The following RPS6KC1 variants were observed in gnomAD, a reference collection of about 807,000 sequenced individuals.
RPS6KC1 encodes inactive ribosomal protein S6 kinase delta-1.
RPS6KC1 carries 54 observed loss-of-function variants against 103.8 expected under a neutral mutation model. The observed-to-expected ratio is 0.52, with a 90% CI of 0.42 to 0.65. The LOEUF (loss-of-function observed/expected upper bound fraction) is 0.65. Ranked by LOEUF, RPS6KC1 falls within the 30% of genes least tolerant of loss-of-function variation. RPS6KC1 has a pLI of 0.00. For missense variants in RPS6KC1, 1,151 were observed against 1,253.8 expected, an observed-to-expected ratio of 0.92 and a Z score of 1.24; for synonymous variants, 439 against 438.7, an observed-to-expected ratio of 1.00 and a Z score of -0.01.
chr1:213,388,489 ATTC>A, the RPS6KC1 span, among the ~76,000 whole-genome samples: 43 of 152,188 alleles, frequency 2.8e-4, no homozygotes, highest in East Asian at 1.2e-3. Context: ...TCTTCATGCA[ATTC>A]TTCTTCTATT....
At chr1:213,356,566 G>A in the RPS6KC1 span, among the ~76,000 whole-genome samples, 1 of 152,202 alleles carries the variant, frequency 6.6e-6, no homozygotes, top group Non-Finnish European at 1.5e-5. Flanking sequence ...TGAGGCAGGA[G>A]AATCACTTGA....
rs183910936 is a variant in RPS6KC1 at position 213,182,166 on chromosome 1, C to A, written c.1044+5674C>A. Among the ~76,000 whole-genome samples, 405 of 152,202 alleles carry A rather than the reference C, an allele frequency of 2.7e-3. 2 individuals are homozygous for A. Among genetic ancestry groups the A allele is most frequent in the Middle Eastern group, 0.014 (4 of 294 alleles). ...TGTATATATAATATAACTAGAGCAA[C>A]CACTAAAAAGCTTTTTAAAGTATAC... On this transcript the variant is annotated intron_variant, in intron 8 of 14. Coordinates refer to ENST00000366960, the MANE Select transcript of RPS6KC1 (RefSeq NM_012424.6).
chr1:213,381,703 T>A, the RPS6KC1 span, among the ~76,000 whole-genome samples: 2 of 152,094 alleles, frequency 1.3e-5, no homozygotes, highest in African/African-American at 2.4e-5. Flanking sequence ...TGATGGCAGC[T>A]GTAACTATCT....
chr1:213,262,420 T>A (rs2094818307), intron 13 of RPS6KC1, among the ~76,000 whole-genome samples: 1 of 152,182 alleles, frequency 6.6e-6, no homozygotes, highest in South Asian at 2.1e-4. Flanking sequence ...TCAAATCTCT[T>A]TTTAGTTTTG....
the RPS6KC1 span, among the ~76,000 whole-genome samples, chr1:213,716,265 C>A: frequency 2.6e-5 from 4 of 152,154 alleles, no homozygotes; most frequent in African/African-American, 9.7e-5. Context: ...TTTGAGCACC[C>A]ACTTGGATGG....
chr1:213,198,997 C>G (rs2148550377), intron 8 of RPS6KC1, among the ~76,000 whole-genome samples: 1 of 151,828 alleles, frequency 6.6e-6, no homozygotes, highest in South Asian at 2.1e-4. Flanking sequence ...TAATAAATAG[C>G]CTACCACACC....
chr1:213,649,528 C>G, the RPS6KC1 span, among the ~76,000 whole-genome samples: 1 of 152,140 alleles, frequency 6.6e-6, no homozygotes, highest in Non-Finnish European at 1.5e-5. Flanking sequence ...CCCTTTCTCC[C>G]TTGCCTACCT....
chr1:213,406,509 T>C, the RPS6KC1 span, among the ~76,000 whole-genome samples: 110 of 152,278 alleles, frequency 7.2e-4, no homozygotes, highest in Admixed American at 1.7e-3. Flanking sequence ...AAAGGTGGGA[T>C]GGGAGGCCCC....
At chr1:213,425,903 C>T in the RPS6KC1 span, among the ~76,000 whole-genome samples, 1 of 152,146 alleles carries the variant, frequency 6.6e-6, no homozygotes, top group Admixed American at 6.5e-5. Flanking sequence ...GGTGGGGAGG[C>T]TTCCCGTGGC....
intron 4 of RPS6KC1, among the ~76,000 whole-genome samples, chr1:213,114,160 AT>A (rs1454226478): frequency 6.6e-6 from 1 of 151,976 alleles, no homozygotes; most frequent in Non-Finnish European, 1.5e-5. Context: ...CAGTATGGCC[AT>A]TTTCACGATA....
At chr1:213,178,583 G>A (rs890086233) in intron 8 of RPS6KC1, among the ~76,000 whole-genome samples, 7 of 151,812 alleles carry the variant, frequency 4.6e-5, no homozygotes, top group African/African-American at 1.7e-4. Flanking sequence ...AACAAAACAG[G>A]AAAGAAAGAA....
At chr1:213,413,964 C>T in the RPS6KC1 span, among the ~76,000 whole-genome samples, 1,996 of 152,266 alleles carry the variant, frequency 0.013, 38 homozygotes, top group African/African-American at 0.044. Flanking sequence ...TGGCTGACTC[C>T]GAGGATAAAA....
chr1:213,548,436 G>A, the RPS6KC1 span, among the ~76,000 whole-genome samples: 1 of 152,204 alleles, frequency 6.6e-6, no homozygotes, highest in Admixed American at 6.5e-5. Flanking sequence ...GCGAAGGCAG[G>A]CGGATCACGA....
At chr1:213,552,416 T>C in the RPS6KC1 span, among the ~76,000 whole-genome samples, 1 of 152,228 alleles carries the variant, frequency 6.6e-6, no homozygotes. Flanking sequence ...GCCATTGTAA[T>C]AGGTGTACAG....
At chr1:213,705,772 C>T in the RPS6KC1 span, among the ~76,000 whole-genome samples, 1 of 152,170 alleles carries the variant, frequency 6.6e-6, no homozygotes. Context: ...ACTGGGTATT[C>T]AGGGCCCAAG....
chr1:213,226,756 C>T (rs571808646), intron 8 of RPS6KC1, among the ~76,000 whole-genome samples: 1 of 152,188 alleles, frequency 6.6e-6, no homozygotes. Flanking sequence ...CATGGCTTCT[C>T]TCTGTTGTTT....
chr1:213,336,829 T>C, the RPS6KC1 span, among the ~76,000 whole-genome samples: 163 of 152,290 alleles, frequency 1.1e-3, 1 homozygote, highest in African/African-American at 3.9e-3. Context: ...GTTGAGTTTT[T>C]CATACACCTA....
At chr1:213,426,565 C>T in the RPS6KC1 span, among the ~76,000 whole-genome samples, 2 of 152,328 alleles carry the variant, frequency 1.3e-5, no homozygotes, top group South Asian at 4.1e-4. Flanking sequence ...CAACTGGACA[C>T]ATATGGTTCG....
the RPS6KC1 span, among the ~76,000 whole-genome samples, chr1:213,844,891 C>A: frequency 6.6e-6 from 1 of 152,158 alleles, no homozygotes; most frequent in South Asian, 2.1e-4. Context: ...ACCTTCCCTA[C>A]CTCCACCCCA....
Sources: gnomAD v4.1 joint callset for allele counts (sites outside exome capture counted in the v4.1 genomes callset) on GRCh38, gnomAD v4.1.1 for gene constraint, MANE v1.5 for transcripts, NCBI Gene and HGNC (gene_info 2026-07-23, HGNC 2026-07-21) for gene names.